OSTF1: variants seen among roughly 807,000 people sequenced by gnomAD.
The protein encoded by OSTF1 is osteoclast stimulating factor 1.
Under a neutral mutation model 37.2 loss-of-function variants are expected in OSTF1, and 27 were observed. The observed-to-expected ratio is 0.73, with a 90% CI of 0.54 to 1.00. The LOEUF (loss-of-function observed/expected upper bound fraction) is 1.00, where lower values mean the gene tolerates loss of function less well. Among genes scored for constraint, OSTF1 ranks in the 50% least tolerant of loss-of-function variants. The probability of loss-of-function intolerance (pLI) is 0.00; values close to 1 mark genes in which losing one functional copy is unlikely to be tolerated. For synonymous variants in OSTF1, 82 were observed against 89.2 expected, an observed-to-expected ratio of 0.92 and a Z score of 0.46; for missense variants, 232 against 253.8, an observed-to-expected ratio of 0.91 and a Z score of 0.58.
At chr9:75,095,894 C>A (rs1256510627) in intron 1 of OSTF1, among the ~76,000 whole-genome samples, 1 of 150,570 alleles carries the variant, frequency 6.6e-6, no homozygotes, top group Non-Finnish European at 1.5e-5. Flanking sequence ...GCTGTGGCCC[C>A]CCTTTTTTTT....
intron 4 of OSTF1, among the ~76,000 whole-genome samples, chr9:75,131,057 CTT>C (rs1267053748): frequency 2.0e-5 from 3 of 152,112 alleles, no homozygotes; most frequent in Non-Finnish European, 4.4e-5. Flanking sequence ...AGTTTGGAGA[CTT>C]TGAGAGATGA....
chr9:75,141,481 T>A (rs1213559310), intron 9 of OSTF1, among the ~76,000 whole-genome samples: 1 of 152,164 alleles, frequency 6.6e-6, no homozygotes, highest in Non-Finnish European at 1.5e-5. Flanking sequence ...CTTTTATTCC[T>A]TGCAATTAAG....
chr9:75,114,554 AT>A (rs34381078), intron 1 of OSTF1, among the ~76,000 whole-genome samples: 90,993 of 137,504 alleles, frequency 0.66, 29,609 homozygotes, highest in Middle Eastern at 0.72. Context: ...TTTAATATTA[AT>A]TTTTTTTTTT....
At chr9:75,105,774 C>T (rs1472450425) in intron 1 of OSTF1, among the ~76,000 whole-genome samples, 2 of 152,094 alleles carry the variant, frequency 1.3e-5, no homozygotes, top group Non-Finnish European at 2.9e-5. Flanking sequence ...CTGTTTTTTA[C>T]CCAGTGAAGA....
At chr9:75,143,234 G>A (rs1409819599) in intron 9 of OSTF1, among the ~76,000 whole-genome samples, 2 of 152,124 alleles carry the variant, frequency 1.3e-5, no homozygotes, top group East Asian at 1.9e-4. Context: ...GAAGCACAAT[G>A]TGGATTTTTT....
chr9:75,100,898 G>A (rs958077866), intron 1 of OSTF1, among the ~76,000 whole-genome samples: 2 of 152,100 alleles, frequency 1.3e-5, no homozygotes, highest in East Asian at 1.9e-4. Flanking sequence ...GTAATTTACC[G>A]TATTTTAATT....
chr9:75,107,593 G>C (rs966367954), intron 1 of OSTF1, among the ~76,000 whole-genome samples: 11 of 152,186 alleles, frequency 7.2e-5, no homozygotes, highest in Admixed American at 1.3e-4. Context: ...ATAGAGTCCT[G>C]TAACAATTCC....
chr9:75,134,453 G>T, intron 7 of OSTF1, 58 bp downstream of exon 7: 1 of 851,296 alleles, frequency 1.2e-6, no homozygotes, highest in South Asian at 1.5e-5. Context: ...CTTTAGTACA[G>T]AGCAACTCAT....
At chr9:75,143,316 C>T (rs559770989) in intron 9 of OSTF1, among the ~76,000 whole-genome samples, 30 of 152,218 alleles carry the variant, frequency 2.0e-4, no homozygotes, top group African/African-American at 6.0e-4. Flanking sequence ...GGGTTATACT[C>T]GAGTTGAGCC....
intron 1 of OSTF1, among the ~76,000 whole-genome samples, chr9:75,100,874 G>A (rs1825180167): frequency 6.6e-6 from 1 of 152,148 alleles, no homozygotes; most frequent in Non-Finnish European, 1.5e-5. Context: ...GGGGATTTCG[G>A]CGAGAATGGT....
intron 9 of OSTF1, among the ~76,000 whole-genome samples, chr9:75,145,167 CT>C (rs1402958870): frequency 4.2e-4 from 27 of 63,956 alleles, no homozygotes; most frequent in African/African-American, 2.6e-3. Flanking sequence ...ATCTACCTAT[CT>C]ATCTATCTAA....
intron 9 of OSTF1, 96 bp from the exon 10 acceptor site, chr9:75,146,587 A>T: frequency 1.2e-6 from 1 of 821,454 alleles, no homozygotes; most frequent in Non-Finnish European, 2.0e-6. Flanking sequence ...CAGATGGAAG[A>T]TTCTATTCTA....
At chr9:75,090,828 A>G (rs1824959539) in intron 1 of OSTF1, among the ~76,000 whole-genome samples, 1 of 152,094 alleles carries the variant, frequency 6.6e-6, no homozygotes, top group Admixed American at 6.5e-5. Context: ...AAAAACAAAA[A>G]CAGAAATGTC....
At chr9:75,130,820 C>T (rs1825751024) in intron 4 of OSTF1, among the ~76,000 whole-genome samples, 179 bp downstream of exon 4, 1 of 152,134 alleles carries the variant, frequency 6.6e-6, no homozygotes, top group South Asian at 2.1e-4. Context: ...TGTGCTTGAG[C>T]CTGACTCTGT....
At chr9:75,142,351 G>A (rs1264185043) in intron 9 of OSTF1, among the ~76,000 whole-genome samples, 2 of 152,084 alleles carry the variant, frequency 1.3e-5, no homozygotes, top group Non-Finnish European at 2.9e-5. Context: ...ACTCCTTGCT[G>A]CCTTGATTGG....
chr9:75,103,656 G>A (rs1303255758), intron 1 of OSTF1, among the ~76,000 whole-genome samples: 3 of 152,168 alleles, frequency 2.0e-5, no homozygotes, highest in African/African-American at 7.2e-5. Flanking sequence ...TGTTGCTAGA[G>A]TGCTGGAGTG....
chr9:75,094,662 AT>A (rs945900507), intron 1 of OSTF1, among the ~76,000 whole-genome samples: 2 of 141,724 alleles, frequency 1.4e-5, no homozygotes, highest in Admixed American at 7.3e-5. Flanking sequence ...GAAAGACTAC[AT>A]TAAAAAAAAA....
chr9:75,090,654 T>C (rs10869497), intron 1 of OSTF1, among the ~76,000 whole-genome samples: 61,373 of 151,532 alleles, frequency 0.41, 12,886 homozygotes, highest in East Asian at 0.53. Context: ...TGAAACTTTG[T>C]GTGGGCTAGC....
In OSTF1 at chr9:75,137,178, C is replaced by T. The variant is rs144178772; in HGVS notation, c.409-360C>T. 2.4e-3 allele frequency among the ~76,000 whole-genome samples: 365 copies of T among 152,320 alleles called. 2 individuals are homozygous for T. The highest frequency in any genetic ancestry group is 9.4e-3 in the Admixed American group (144 of 15,308). On this transcript the variant is annotated intron_variant, in intron 7 of 9. Coordinates refer to ENST00000346234, the MANE Select transcript of OSTF1 (RefSeq NM_012383.5). Reference sequence around the variant, plus strand: ...TTAAACCAATATCTCTGTTTTCCCACCCATGCCTCATGCCTGCCCTAGCAC... The same window carrying T: ...TTAAACCAATATCTCTGTTTTCCCATCCATGCCTCATGCCTGCCCTAGCAC...
Sources: gnomAD v4.1 joint callset for allele counts (sites outside exome capture counted in the v4.1 genomes callset) on GRCh38, gnomAD v4.1.1 for gene constraint, MANE v1.5 for transcripts, NCBI Gene and HGNC (gene_info 2026-07-23, HGNC 2026-07-21) for gene names.